The following MPO variants were observed in gnomAD, a reference collection of about 807,000 sequenced individuals.
MPO encodes the protein myeloperoxidase.
A neutral mutation model predicts 69.4 loss-of-function variants in MPO; 57 were observed. The observed-to-expected ratio is 0.82, with a 90% CI of 0.66 to 1.02. The LOEUF (loss-of-function observed/expected upper bound fraction) is 1.02, where lower values mean the gene tolerates loss of function less well. MPO is among the 50% of genes least tolerant of loss of function. The pLI, the probability that MPO is intolerant of heterozygous loss-of-function variation, is 0.00. For missense variants in MPO, 971 were observed against 1,014.1 expected, an observed-to-expected ratio of 0.96 and a Z score of 0.58; for synonymous variants, 426 against 417.1, an observed-to-expected ratio of 1.02 and a Z score of -0.26.
At chr17:58,274,223 T>C (rs1970405896) in intron 8 of MPO, 2 of 491,514 alleles carry the variant, frequency 4.1e-6, no homozygotes. Context: ...AGACATGGAA[T>C]AGTCTCACTC....
At chr17:58,280,550 C>A in intron 1 of MPO, 55 bp downstream of exon 1, 2 of 1,614,072 alleles carry the variant, frequency 1.2e-6, no homozygotes, top group Admixed American at 3.3e-5. Flanking sequence ...GAAAAGGGGT[C>A]TCTGGAACAC....
intron 11 of MPO, 141 bp downstream of exon 11, chr17:58,271,514 C>A: frequency 1.2e-6 from 1 of 847,570 alleles, no homozygotes; most frequent in Non-Finnish European, 1.9e-6. Context: ...CACTCCAGGG[C>A]ATCTGGAGGA....
chr17:58,274,862 T>TTTTA (rs769462569), intron 8 of MPO, among the ~76,000 whole-genome samples: 29 of 151,692 alleles, frequency 1.9e-4, no homozygotes, highest in African/African-American at 6.5e-4. Context: ...TTAAATTTTA[T>TTTTA]TTTATTTATT....
In MPO at chr17:58,279,218, CG is replaced by C; in HGVS notation, c.679-5del. ...TCTCGTTGGAGACCGCGCGAGCCTG[CG>C]GGACACGGAGATCAGCTGGCGCCTG... On this transcript the variant is annotated splice_polypyrimidine_tract_variant and splice_region_variant and intron_variant, in intron 5 of 11. Coordinates refer to ENST00000225275, the MANE Select transcript of MPO (RefSeq NM_000250.2). The C allele has an allele frequency of 6.3e-7, 1 of 1,597,380 alleles. No individual in the cohort carries two copies. Among genetic ancestry groups the C allele is most frequent in the Non-Finnish European group, 8.5e-7 (1 of 1,172,076 alleles).
Position 58,270,794 on chromosome 17 carries a change from G to T in MPO, c.2100C>A (p.Pro700=). 1 of 1,614,076 alleles carries T rather than the reference G, an allele frequency of 6.2e-7. No homozygotes were observed. The highest frequency in any genetic ancestry group is 1.1e-5 in the South Asian group (1 of 91,076). ...TGCCTGTGTTGTCGCAGATGATCCG[G>T]GGCAATGAGATCTGGGCCAGGGCCT... ...QRQALAQISL[P]RIICDNTGIT... The change falls in exon 12 of 12, where the codon CCC becomes CCA. Residue 700 remains proline, a synonymous_variant. Transcript: ENST00000225275. The surrounding 1 kb of genome is among the most constrained non-coding windows in gnomAD (Gnocchi z 4.1).
At position 58,279,839 on chromosome 17, in the gene MPO, C is replaced by T. The variant is rs1351260902; in HGVS notation, c.424G>A (p.Asp142Asn). Reference sequence around the variant, plus strand: ...CCTGGGGTGTGATGGGCAACAGTACCAGTGACATTGAATGGCCTTCGCCAC... The same window carrying T: ...CCTGGGGTGTGATGGGCAACAGTACTAGTGACATTGAATGGCCTTCGCCAC... ...SLWRRPFNVT[D>N]VLTPAQLNVL... Residue 142 changes from aspartate to asparagine, a missense_variant and splice_region_variant, in exon 3 of 12, where the codon GAT (aspartate) becomes AAT (asparagine). Asp to Asn is a conservative substitution (Grantham distance 23). Transcript: ENST00000225275. 1 of 1,613,944 alleles carries T rather than the reference C, an allele frequency of 6.2e-7. No individual in the cohort carries two copies. Among genetic ancestry groups the T allele is most frequent in the East Asian group, 2.2e-5 (1 of 44,882 alleles).
intron 7 of MPO, among the ~76,000 whole-genome samples, chr17:58,276,904 T>G (rs1183575799): frequency 6.6e-6 from 1 of 152,136 alleles, no homozygotes; most frequent in Non-Finnish European, 1.5e-5. Context: ...GTCAGGAGTT[T>G]GAGACCAGCC....
chr17:58,279,889 A>G lies in MPO; in HGVS notation c.374T>C (p.Leu125Pro). Residue 125 changes from leucine to proline, a missense_variant, in exon 3 of 12, where the codon CTG becomes CCG. Leu to Pro is a moderately conservative substitution (Grantham distance 98). Transcript: ENST00000225275. Reference protein sequence around the residue: ...AADYLHVALDLLERKLRSLWR... With the variant: ...AADYLHVALDPLERKLRSLWR... ...CAGGGACCGCAGCTTCCTCTCCAGC[A>G]GGTCTAGAGCCACGTGCAGGTAGTC... 6.2e-7 allele frequency: 1 copy of G among 1,614,076 alleles called. No individual in the cohort carries two copies. Among genetic ancestry groups the G allele is most frequent in the Non-Finnish European group, 8.5e-7 (1 of 1,180,018 alleles).
At chr17:58,280,266 A>G in intron 2 of MPO, 100 bp downstream of exon 2, 1 of 1,252,646 alleles carries the variant, frequency 8.0e-7, no homozygotes, top group East Asian at 2.4e-5. Flanking sequence ...ATGGGTCCCC[A>G]TAGTCCCCCT....
intron 9 of MPO, 120 bp downstream of exon 9, chr17:58,273,294 C>A: frequency 2.0e-6 from 3 of 1,486,496 alleles, no homozygotes; most frequent in South Asian, 1.2e-5. Context: ...GAGAGTCAGA[C>A]CAGATCTCCA....
rs1174137130 is a variant in MPO at position 58,277,901 on chromosome 17, A to G, written c.1130T>C (p.Leu377Pro). The G allele has an allele frequency of 1.2e-6, 2 of 1,611,508 alleles. No homozygotes were observed. The change falls in exon 7 of 12, where the codon CTG becomes CCG. Residue 377 changes from leucine (L) to proline (P), a missense_variant. By Grantham distance (98) the Leu-to-Pro change is moderately conservative. Transcript: ENST00000225275. ...GTCATCGTGCAGGTTGTCAAAGGGC[A>G]GCAGGGCCCGGCCGTTGTCTTGGAA... ...QRFQDNGRAL[L>P]PFDNLHDDPC...
intron 7 of MPO, among the ~76,000 whole-genome samples, chr17:58,277,418 C>T (rs960722085): frequency 3.9e-5 from 6 of 152,186 alleles, no homozygotes; most frequent in African/African-American, 1.4e-4. Context: ...ATTAAAATAG[C>T]CACATGCAGC....
At chr17:58,271,618 A>G in intron 11 of MPO, 37 bp downstream of exon 11, 2 of 1,598,782 alleles carry the variant, frequency 1.3e-6, no homozygotes, top group Non-Finnish European at 1.7e-6. Context: ...ATGGGCCCAC[A>G]GCCACCCAGC....
chr17:58,273,477 C>T lies in MPO; in HGVS notation c.1558G>A (p.Glu520Lys). The T allele has an allele frequency of 1.2e-6, 2 of 1,610,648 alleles. No individual in the cohort carries two copies. The highest frequency in any genetic ancestry group is 1.7e-6 in the Non-Finnish European group (2 of 1,176,726). ...FRLDNRYQPM[E>K]PNPRVPLSRV... ...CTGAGGGGGACACGGGGGTTGGGTT[C>T]CATGGGCTGGTACCGATTGTCCAGG... The change falls in exon 9 of 12, where the codon GAA becomes AAA. Residue 520 changes from glutamate (E) to lysine (K), a missense_variant. Physicochemically the swap from Glu to Lys is moderately conservative, Grantham distance 56 (BLOSUM62 1). Coordinates refer to ENST00000225275, the MANE Select transcript of MPO (RefSeq NM_000250.2).
At position 58,270,253 on chromosome 17, in the gene MPO, G is replaced by A. The variant is rs1381767703; in HGVS notation, c.*403C>T. ...CATGACAGATGTAATTTACAAGGAA[G>A]AAAACTCTTGTTTAAGGAGGGTAAT... On this transcript the variant is annotated 3_prime_UTR_variant, in exon 12 of 12. Transcript: ENST00000225275. This position sits in a 1 kb window ranked among gnomAD's most constrained non-coding sequence, Gnocchi z 4.1. 3 of 317,518 alleles carry A rather than the reference G, an allele frequency of 9.4e-6. No homozygotes were observed. The highest frequency in any genetic ancestry group is 2.2e-5 in the African/African-American group (1 of 46,388). 19.7% of individuals were successfully genotyped at this position (317,518 alleles called of 1,614,324 possible). A position where few individuals can be genotyped will look rare whatever the true frequency, so the allele number is the denominator to read the frequency against.
chr17:58,278,339 T>C (rs1970465762), intron 6 of MPO, among the ~76,000 whole-genome samples, 194 bp from the exon 7 acceptor site: 1 of 152,108 alleles, frequency 6.6e-6, no homozygotes, highest in South Asian at 2.1e-4. Context: ...AGCAGAACAC[T>C]GAACTGGGAA....
rs1168045604 is a variant in MPO, at chr17:58,275,928, G to A, written c.1205-226C>T. Among the ~76,000 whole-genome samples the A allele has an allele frequency of 1.3e-5, 2 of 152,152 alleles. No individual in the cohort carries two copies. Among genetic ancestry groups the A allele is most frequent in the Non-Finnish European group, 2.9e-5 (2 of 68,036 alleles). On this transcript the variant is annotated intron_variant, in intron 7 of 11. Transcript: ENST00000225275. The surrounding 1 kb of genome is among the most constrained non-coding windows in gnomAD (Gnocchi z 4.1). ...TCAGCTCAGGGCCGCTGCTGGTTGG[G>A]GATGCTCATTCAATAGGTATCACTT...
chr17:58,280,326 G>A, intron 2 of MPO, 40 bp downstream of exon 2: 2 of 1,599,280 alleles, frequency 1.3e-6, no homozygotes, highest in Non-Finnish European at 8.6e-7. Flanking sequence ...AAAGGCCTGG[G>A]ACATCCTTGC....
At chr17:58,273,334 C>T (rs546798737) in intron 9 of MPO, 80 bp downstream of exon 9, 2 of 1,608,052 alleles carry the variant, frequency 1.2e-6, no homozygotes, top group East Asian at 4.5e-5. Flanking sequence ...TGCTCCCCAC[C>T]CTAGCTCCCT....
Sources: allele counts gnomAD v4.1 joint callset (sites outside exome capture counted in the v4.1 genomes callset), GRCh38; gene constraint gnomAD v4.1.1; non-coding constraint Gnocchi (gnomAD v3.1); transcripts MANE v1.5; gene names NCBI Gene and HGNC (gene_info 2026-07-23, HGNC 2026-07-21).